Variants in LRP2BP observed in about 807,000 individuals in gnomAD.
LRP2BP encodes the protein LRP2-binding protein.
In LRP2BP, 38 loss-of-function variants were observed where a neutral mutation model predicts 45.2. The observed-to-expected ratio is 0.84, with a 90% CI of 0.65 to 1.10. The LOEUF is 1.10. Among genes scored for constraint, LRP2BP ranks in the 50% least tolerant of loss-of-function variants. The pLI is 0.00. For missense variants in LRP2BP, 385 were observed against 418.9 expected, an observed-to-expected ratio of 0.92 and a Z score of 0.71; for synonymous variants, 153 against 153.9, an observed-to-expected ratio of 0.99 and a Z score of 0.04.
Position 185,381,636 on chromosome 4 carries a change from A to G in LRP2BP, c.-21-3429T>C, listed in dbSNP as rs958033211. On this transcript the variant is annotated intron_variant, in intron 1 of 8. Transcript: ENST00000505916. ...ATTAGGCTGACTTTTCAGGAGTCCT[A>G]GTAAAAAGTTTTTAGTTGTCCTGAC... Among the ~76,000 whole-genome samples, 5 of 152,196 alleles carry G rather than the reference A, an allele frequency of 3.3e-5. No individual in the cohort carries two copies. The East Asian group carries it at 9.6e-4, about 29-fold the overall frequency.
upstream of LRP2BP, chr4:185,397,187 C>G: frequency 6.2e-7 from 1 of 1,613,800 alleles, no homozygotes. Flanking sequence ...ACAGGGGCCT[C>G]GGTCAACGCA....
chr4:185,392,865 C>A (rs543604956), intron 1 of LRP2BP, among the ~76,000 whole-genome samples: 1 of 152,288 alleles, frequency 6.6e-6, no homozygotes, highest in Admixed American at 6.5e-5. Flanking sequence ...GACTTCAATG[C>A]TTTGGCGTTA....
At chr4:185,370,513 C>T in intron 8 of LRP2BP, 127 bp downstream of exon 8, 1 of 904,718 alleles carries the variant, frequency 1.1e-6, no homozygotes, top group Non-Finnish European at 1.7e-6. Context: ...GACAGCTTCT[C>T]TGTAGACAGA....
At chr4:185,394,304 A>C (rs1015842997) in intron 1 of LRP2BP, among the ~76,000 whole-genome samples, 12 of 53,610 alleles carry the variant, frequency 2.2e-4, no homozygotes, top group African/African-American at 4.7e-4. Context: ...GTTTGCATTA[A>C]AGAAACCAAT....
chr4:185,385,696 T>G (rs976591544), intron 1 of LRP2BP, among the ~76,000 whole-genome samples: 4 of 152,028 alleles, frequency 2.6e-5, no homozygotes, highest in African/African-American at 9.6e-5. Flanking sequence ...AGGTCAGGAG[T>G]TCAGGACCAG....
Position 185,366,731 on chromosome 4 carries a change from CAA to C in LRP2BP, c.*447_*448del, listed in dbSNP as rs1457481090. ...AAATTTAAATTTTAAATGACTGAAA[CAA>C]AATTTAAACATTATTATTCAAAATT... On this transcript the variant is annotated 3_prime_UTR_variant, in exon 9 of 9. Coordinates refer to ENST00000505916, the MANE Select transcript of LRP2BP (RefSeq NM_001377440.1). 2 of 151,956 alleles carry C rather than the reference CAA, an allele frequency of 1.3e-5. No homozygotes were observed. The highest frequency in any genetic ancestry group is 4.8e-5 in the African/African-American group (2 of 41,360). The allele number at this position is 151,956 out of a possible 1,614,324, so 9.4% of individuals were successfully genotyped here.
intron 1 of LRP2BP, chr4:185,390,533 GA>G (rs771973845): frequency 3.4e-5 from 5 of 149,058 alleles, no homozygotes; most frequent in Non-Finnish European, 7.5e-5. Context: ...AAAAAAAAAA[GA>G]AAAAAGAAAA....
chr4:185,395,273 T>C lies in LRP2BP; in HGVS notation c.-516A>G, dbSNP rs1325007269. ...TGTTTCAAAGAAAAGATATGAAATA[T>C]GGAGGCACTTTCACCACACAAATAT... is the stretch of plus-strand genomic sequence containing the variant. On this transcript the variant is annotated 5_prime_UTR_variant, in exon 1 of 9. Coordinates refer to ENST00000505916, the MANE Select transcript of LRP2BP (RefSeq NM_001377440.1). 2 of 985,340 alleles carry C rather than the reference T, an allele frequency of 2.0e-6. No individual in the cohort carries two copies. The highest frequency in any genetic ancestry group is 3.5e-5 in the African/African-American group (2 of 57,244). 61.0% of individuals were successfully genotyped at this position (985,340 alleles called of 1,614,324 possible).
chr4:185,380,593 T>C (rs2126820380), intron 1 of LRP2BP, among the ~76,000 whole-genome samples: 1 of 152,260 alleles, frequency 6.6e-6, no homozygotes, highest in Admixed American at 6.5e-5. Context: ...GTCATTGGAG[T>C]TGGCACCCAC....
chr4:185,373,989 G>A, intron 6 of LRP2BP, 146 bp downstream of exon 6: 1 of 680,784 alleles, frequency 1.5e-6, no homozygotes, highest in Non-Finnish European at 2.4e-6. Flanking sequence ...AAAGGGCTTT[G>A]AGATCCTAAA....
intron 1 of LRP2BP, among the ~76,000 whole-genome samples, chr4:185,380,203 T>C (rs1165946970): frequency 6.6e-6 from 1 of 152,208 alleles, no homozygotes; most frequent in Non-Finnish European, 1.5e-5. Context: ...TTTGGGAATT[T>C]TTAGCTTCCT....
chr4:185,391,678 T>C (rs1344211362), intron 1 of LRP2BP, among the ~76,000 whole-genome samples: 2 of 152,178 alleles, frequency 1.3e-5, no homozygotes, highest in Admixed American at 6.6e-5. Context: ...CTGGAACAAG[T>C]ACCAGTACCT....
chr4:185,374,121 A>G lies in LRP2BP; in HGVS notation c.579+14T>C. 1.2e-6 allele frequency: 2 copies of G among 1,601,088 alleles called. No individual in the cohort carries two copies. The highest frequency in any genetic ancestry group is 1.7e-6 in the Non-Finnish European group (2 of 1,169,402). Reference sequence around the variant, plus strand: ...CTAAATATAACACTAGCATTAAAAAAGAGGGAACGTTACCTTTTCTAACTC... The same window carrying G: ...CTAAATATAACACTAGCATTAAAAAGGAGGGAACGTTACCTTTTCTAACTC... On this transcript the variant is annotated intron_variant, in intron 6 of 8. Coordinates refer to ENST00000505916, the MANE Select transcript of LRP2BP (RefSeq NM_001377440.1).
intron 1 of LRP2BP, among the ~76,000 whole-genome samples, chr4:185,392,191 G>C (rs1438835147): frequency 1.3e-5 from 2 of 152,078 alleles, no homozygotes; most frequent in South Asian, 2.1e-4. Context: ...ATATAACCAG[G>C]AGGAGAAATA....
At chr4:185,388,589 C>T (rs531065397) in intron 1 of LRP2BP, among the ~76,000 whole-genome samples, 1 of 152,266 alleles carries the variant, frequency 6.6e-6, no homozygotes, top group South Asian at 2.1e-4. Flanking sequence ...TAAGCTTTTT[C>T]TTCTTCTACC....
chr4:185,385,415 C>A (rs1027932763), intron 1 of LRP2BP, among the ~76,000 whole-genome samples: 1 of 152,054 alleles, frequency 6.6e-6, no homozygotes, highest in African/African-American at 2.4e-5. Context: ...AAAGAATTGA[C>A]AAAATCAGGG....
At chr4:185,390,677 TCAGTGCAATGGG>T (rs1348501340) in intron 1 of LRP2BP, 1 of 152,148 alleles carries the variant, frequency 6.6e-6, no homozygotes, top group Non-Finnish European at 1.5e-5. Context: ...CTTCCAACGG[TCAGTGCAATGGG>T]CAGTCGGCAC....
At chr4:185,380,343 C>A (rs2095452213) in intron 1 of LRP2BP, among the ~76,000 whole-genome samples, 2 of 152,170 alleles carry the variant, frequency 1.3e-5, no homozygotes. Flanking sequence ...GAAATTTCCT[C>A]TCTCACAGTT....
At chr4:185,396,695 T>G, upstream of LRP2BP, 2 of 570,194 alleles carry the variant, frequency 3.5e-6, no homozygotes, top group Admixed American at 6.5e-5. Flanking sequence ...CCAGTGTTTG[T>G]GTACGTGCGG....
Sources: allele counts gnomAD v4.1 joint callset (sites outside exome capture counted in the v4.1 genomes callset), GRCh38; gene constraint gnomAD v4.1.1; transcripts MANE v1.5; gene names NCBI Gene and HGNC (gene_info 2026-07-23, HGNC 2026-07-21).